TCF20: variants seen among roughly 807,000 people sequenced by gnomAD.
The protein encoded by TCF20 is SPRE-binding protein.
In TCF20, 3 loss-of-function variants were observed where a neutral mutation model predicts 148.6. The observed-to-expected ratio is 0.02, with a 90% CI of 0.01 to 0.05. The LOEUF (loss-of-function observed/expected upper bound fraction) is 0.05, where lower values mean the gene tolerates loss of function less well. TCF20 is among the 10% of genes least tolerant of loss of function. TCF20 has a pLI of 1.00. For missense variants in TCF20, 2,350 were observed against 2,429.3 expected (o/e 0.97, Z 0.69); for synonymous variants, 1,049 against 909.5 (o/e 1.15, Z -2.76).
intron 1 of TCF20, among the ~76,000 whole-genome samples, chr22:42,256,109 G>A (rs997583896): frequency 1.3e-5 from 2 of 151,900 alleles, no homozygotes; most frequent in African/African-American, 2.4e-5. Flanking sequence ...CTCCTCTACC[G>A]GCTTCTCCAA....
chr22:42,258,866 G>GA (rs994435322), intron 1 of TCF20, among the ~76,000 whole-genome samples: 13 of 152,038 alleles, frequency 8.6e-5, no homozygotes, highest in African/African-American at 2.2e-4. Context: ...TATATTAAAA[G>GA]AAAAAAACAC....
intron 3 of TCF20, among the ~76,000 whole-genome samples, chr22:42,175,987 G>T (rs1222821774): frequency 1.3e-5 from 2 of 151,738 alleles, no homozygotes; most frequent in African/African-American, 2.4e-5. Flanking sequence ...GTAGAGACAG[G>T]GTTTCACCAT....
chr22:42,210,472 T>C lies in TCF20; in HGVS notation c.4834A>G (p.Ile1612Val). The C allele has an allele frequency of 5.0e-6, 8 of 1,614,220 alleles. No homozygotes were observed. The highest frequency in any genetic ancestry group is 6.8e-6 in the Non-Finnish European group (8 of 1,180,034). The stretch of plus-strand genomic sequence containing the variant: ...GGCTGGGTGGCATATTTTAGTTTGA[T>C]CTCAGGTTCTTGGGGTTCCACAATG... ...VPIVEPQEPE[I>V]KLKYATQPLD... Residue 1612 changes from isoleucine to valine, a missense_variant, in exon 2 of 6, where the codon ATC becomes GTC. Ile to Val is a conservative substitution (Grantham distance 29). Coordinates refer to ENST00000677622, the MANE Select transcript of TCF20 (RefSeq NM_001378418.1). The surrounding 1 kb of genome is among the most constrained non-coding windows in gnomAD (Gnocchi z 4.7).
chr22:42,184,319 A>G (rs965525212), intron 2 of TCF20, among the ~76,000 whole-genome samples: 4 of 152,150 alleles, frequency 2.6e-5, no homozygotes, highest in Admixed American at 2.6e-4. Flanking sequence ...TTCATACCAT[A>G]CCATGACGCC....
intron 5 of TCF20, among the ~76,000 whole-genome samples, chr22:42,166,888 G>T (rs1206447727): frequency 1.3e-5 from 2 of 152,206 alleles, no homozygotes; most frequent in Non-Finnish European, 2.9e-5. Context: ...TGGCACAGGG[G>T]TGACAATGGG....
intron 3 of TCF20, 59 bp from the exon 4 acceptor site, chr22:42,169,955 A>G (rs1731172943): frequency 1.3e-6 from 2 of 1,577,738 alleles, no homozygotes; most frequent in South Asian, 2.2e-5. Flanking sequence ...AGGTGTGGTC[A>G]TGCTGGCTGG....
At chr22:42,248,568 A>G (rs1346686861) in intron 1 of TCF20, among the ~76,000 whole-genome samples, 1 of 152,236 alleles carries the variant, frequency 6.6e-6, no homozygotes, top group African/African-American at 2.4e-5. Context: ...TGCTATATCT[A>G]AACACTAGAT....
intron 1 of TCF20, among the ~76,000 whole-genome samples, chr22:42,223,236 GA>G (rs1389109555): frequency 6.6e-6 from 1 of 152,160 alleles, no homozygotes; most frequent in African/African-American, 2.4e-5. Context: ...ATTAATGAAT[GA>G]GGGGGAAAAA....
At position 42,210,390 on chromosome 22, in the gene TCF20, T is replaced by C. The variant is rs1046288403; in HGVS notation, c.4916A>G (p.Asn1639Ser). 1 of 1,614,138 alleles carries C rather than the reference T, an allele frequency of 6.2e-7. No homozygotes were observed. Among genetic ancestry groups the C allele is most frequent in the Non-Finnish European group, 8.5e-7 (1 of 1,180,048 alleles). ...KSFYPYIHVV[N>S]KCELGAVCTI... ...ACAAACGGCTCCAAGTTCACACTTA[T>C]TTACTACATGGATGTAAGGGTAAAA... The change falls in exon 2 of 6, where the codon AAT (asparagine) becomes AGT (serine). Residue 1639 changes from asparagine to serine, a missense_variant. Physicochemically the swap from Asn to Ser is conservative, Grantham distance 46. Transcript: ENST00000677622. The surrounding 1 kb of genome is among the most constrained non-coding windows in gnomAD (Gnocchi z 4.7).
intron 2 of TCF20, among the ~76,000 whole-genome samples, chr22:42,204,706 G>A (rs1250831356): frequency 1.3e-5 from 2 of 151,992 alleles, no homozygotes; most frequent in Non-Finnish European, 2.9e-5. Context: ...TTAGCCAGGT[G>A]TGGTGGTGCA....
intron 2 of TCF20, among the ~76,000 whole-genome samples, chr22:42,184,429 TC>T (rs949912348): frequency 6.6e-6 from 1 of 152,210 alleles, no homozygotes; most frequent in African/African-American, 2.4e-5. Flanking sequence ...TATAGTATCT[TC>T]CATGTGTAAG....
chr22:42,201,371 G>A (rs1245701109), intron 2 of TCF20, among the ~76,000 whole-genome samples: 1 of 152,092 alleles, frequency 6.6e-6, no homozygotes, highest in Non-Finnish European at 1.5e-5. Flanking sequence ...AATGCTATAG[G>A]GAAGTATTTG....
At position 42,212,260 on chromosome 22, in the gene TCF20, A is replaced by G. The variant is rs1242128752; in HGVS notation, c.3046T>C (p.Leu1016=). ...PSQYHDFAEK[L]KMSPGRSRGP... The stretch of plus-strand genomic sequence containing the variant: ...CTGCTCCGCCCAGGAGACATTTTCA[A>G]TTTTTCTGCAAAGTCATGATATTGA... The change falls in exon 2 of 6, where the codon TTG becomes CTG. Residue 1016 remains leucine, a synonymous_variant. Coordinates refer to ENST00000677622, the MANE Select transcript of TCF20 (RefSeq NM_001378418.1). 1.2e-6 allele frequency: 2 copies of G among 1,613,828 alleles called. No homozygotes were observed. Among genetic ancestry groups the G allele is most frequent in the Non-Finnish European group, 1.7e-6 (2 of 1,179,968 alleles).
At chr22:42,321,768 G>T (rs1393941312) in intron 1 of TCF20, among the ~76,000 whole-genome samples, 1 of 151,624 alleles carries the variant, frequency 6.6e-6, no homozygotes, top group Non-Finnish European at 1.5e-5. Context: ...CCAACATGGT[G>T]AAACCCCATC....
At chr22:42,305,413 A>G (rs6002677) in intron 1 of TCF20, among the ~76,000 whole-genome samples, 100,274 of 151,598 alleles carry the variant, frequency 0.66, 33,723 homozygotes, top group African/African-American at 0.79. Flanking sequence ...CCTCCCAAAC[A>G]CTCCACACTT....
At chr22:42,255,663 A>C (rs1227136405) in intron 1 of TCF20, among the ~76,000 whole-genome samples, 1 of 152,130 alleles carries the variant, frequency 6.6e-6, no homozygotes, top group Non-Finnish European at 1.5e-5. Context: ...AATTTTACAG[A>C]TCCTTCTTAT....
chr22:42,232,415 A>G (rs950662339), intron 1 of TCF20, among the ~76,000 whole-genome samples: 2 of 152,152 alleles, frequency 1.3e-5, no homozygotes, highest in African/African-American at 2.4e-5. Flanking sequence ...AAAAAAAACA[A>G]CGTACCACCA....
intron 2 of TCF20, 57 bp downstream of exon 2, chr22:42,209,594 G>A: frequency 1.3e-6 from 2 of 1,525,094 alleles, no homozygotes; most frequent in Admixed American, 2.2e-5. Flanking sequence ...AAACATGCAA[G>A]AAAAGGAACC....
At chr22:42,320,216 G>A (rs1569208715) in intron 1 of TCF20, among the ~76,000 whole-genome samples, 1 of 152,126 alleles carries the variant, frequency 6.6e-6, no homozygotes. Flanking sequence ...TTGGGCCTCT[G>A]GACTCTTGCA....
Sources: gnomAD v4.1 joint callset for allele counts (sites outside exome capture counted in the v4.1 genomes callset) on GRCh38, gnomAD v4.1.1 for gene constraint, Gnocchi (gnomAD v3.1) non-coding constraint, MANE v1.5 for transcripts, NCBI Gene and HGNC (gene_info 2026-07-23, HGNC 2026-07-21) for gene names.